NTN1: variants seen among roughly 807,000 people sequenced by gnomAD.
NTN1 encodes netrin 1.
In NTN1, 11 loss-of-function variants were observed where a neutral mutation model predicts 54.2. The ratio of observed to expected loss-of-function variants is 0.20; its 90% CI spans 0.13 to 0.34. NTN1 has a LOEUF of 0.34. Ranked by LOEUF, NTN1 falls within the 10% of genes least tolerant of loss-of-function variation. The probability of loss-of-function intolerance (pLI) is 1.00; values close to 1 mark genes in which losing one functional copy is unlikely to be tolerated. For missense variants in NTN1, 740 were observed against 893.1 expected (o/e 0.83, Z 2.18); for synonymous variants, 371 against 382.0 (o/e 0.97, Z 0.33).
intron 2 of NTN1, among the ~76,000 whole-genome samples, chr17:9,152,157 C>T (rs2092329724): frequency 6.6e-6 from 1 of 152,164 alleles, no homozygotes; most frequent in Non-Finnish European, 1.5e-5. Context: ...CTCTTTGGGT[C>T]CGTGCCACCT....
At chr17:9,125,680 ACTGCAGCTTCAAACTC>A (rs2092245097) in intron 2 of NTN1, among the ~76,000 whole-genome samples, 1 of 152,110 alleles carries the variant, frequency 6.6e-6, no homozygotes, top group Admixed American at 6.5e-5. Flanking sequence ...ATCATAGCTC[ACTGCAGCTTCAAACTC>A]CTGGGCTGAA....
intron 5 of NTN1, among the ~76,000 whole-genome samples, chr17:9,204,317 T>C (rs1217543615): frequency 6.6e-6 from 1 of 151,226 alleles, no homozygotes; most frequent in Non-Finnish European, 1.5e-5. Context: ...TCTTTCTTTC[T>C]GACAGAGTCT....
At chr17:9,193,940 A>AAAAAC (rs1310191883) in intron 5 of NTN1, among the ~76,000 whole-genome samples, 7 of 141,852 alleles carry the variant, frequency 4.9e-5, no homozygotes, top group Non-Finnish European at 9.2e-5. Flanking sequence ...AAAAAAAAAA[A>AAAAAC]AAAACATTAT....
intron 2 of NTN1, among the ~76,000 whole-genome samples, chr17:9,074,962 G>A (rs1298970579): frequency 6.6e-6 from 1 of 152,366 alleles, no homozygotes; most frequent in Non-Finnish European, 1.5e-5. Flanking sequence ...CCAACGGGAT[G>A]TGTGCATGTG....
intron 6 of NTN1, among the ~76,000 whole-genome samples, chr17:9,234,598 G>C (rs572798076): frequency 6.6e-6 from 1 of 152,218 alleles, no homozygotes; most frequent in African/African-American, 2.4e-5. Flanking sequence ...TCCCACATCC[G>C]AACCCTGGTT....
chr17:9,104,863 C>G (rs1429787893), intron 2 of NTN1, among the ~76,000 whole-genome samples: 2 of 152,220 alleles, frequency 1.3e-5, no homozygotes, highest in Non-Finnish European at 2.9e-5. Flanking sequence ...CAGTCCTGAC[C>G]TGACAGCCAG....
chr17:9,110,527 C>A (rs1420395354), intron 2 of NTN1, among the ~76,000 whole-genome samples: 2 of 152,016 alleles, frequency 1.3e-5, no homozygotes, highest in Non-Finnish European at 2.9e-5. Flanking sequence ...GCCTTCTTGG[C>A]CTCCCAAAGT....
chr17:9,025,181 C>T (rs1166375990), intron 2 of NTN1, among the ~76,000 whole-genome samples: 6 of 152,134 alleles, frequency 3.9e-5, no homozygotes, highest in Non-Finnish European at 7.3e-5. Context: ...TGAAGATTTG[C>T]CTTAGCGTTG....
At chr17:9,228,207 G>A (rs1905666118) in intron 6 of NTN1, among the ~76,000 whole-genome samples, 2 of 152,222 alleles carry the variant, frequency 1.3e-5, no homozygotes, top group African/African-American at 4.8e-5. Context: ...CTTTAGAGGG[G>A]GCAAGGGTGG....
At chr17:9,181,680 A>C (rs1002071283) in intron 4 of NTN1, among the ~76,000 whole-genome samples, 10 of 152,180 alleles carry the variant, frequency 6.6e-5, no homozygotes, top group Non-Finnish European at 1.5e-5. Context: ...GCCCATGTCC[A>C]TCCACCAAGC....
chr17:9,163,032 G>A lies in NTN1; in HGVS notation c.1207+31G>A, dbSNP rs781637615. 5.3e-5 allele frequency: 83 copies of A among 1,554,358 alleles called. No homozygotes were observed. In the Middle Eastern group the frequency reaches 1.9e-3, roughly 36 times the overall value. ...CTACACGTGGCGGGGCGGGGGGCTG[G>A]GGAGACCCGGGGAACATCAGTCCTC... is the stretch of plus-strand genomic sequence containing the variant. On this transcript the variant is annotated intron_variant, in intron 3 of 6. Transcript: ENST00000173229.
chr17:9,226,233 G>A (rs1443363000), intron 6 of NTN1, among the ~76,000 whole-genome samples: 4 of 152,090 alleles, frequency 2.6e-5, no homozygotes, highest in Admixed American at 6.5e-5. Flanking sequence ...CGAAGGGAGC[G>A]CTGGAGACGC....
Position 9,180,165 on chromosome 17 carries a change from A to G in NTN1, c.1357+209A>G, listed in dbSNP as rs970292052. 8.5e-5 allele frequency among the ~76,000 whole-genome samples: 13 copies of G among 152,340 alleles called. No homozygotes were observed. The South Asian group carries it at 2.7e-3, about 32-fold the overall frequency. On this transcript the variant is annotated intron_variant, in intron 4 of 6. Transcript: ENST00000173229. ...GTGATTCTCCTGCCTCAGTCTTCCA[A>G]GTAGCTGGAATTACAGGCGCAAGCC...
intron 2 of NTN1, among the ~76,000 whole-genome samples, chr17:9,148,630 C>T (rs886821647): frequency 1.3e-5 from 2 of 152,006 alleles, no homozygotes; most frequent in African/African-American, 2.4e-5. Flanking sequence ...CGAGTCTAGT[C>T]GGAGAGTGAA....
rs1474365383 is a variant in NTN1, at chr17:9,022,449, C to G, written c.76C>G (p.Pro26Ala). 2 of 1,467,984 alleles carry G rather than the reference C, an allele frequency of 1.4e-6. No homozygotes were observed. The highest frequency in any genetic ancestry group is 9.0e-7 in the Non-Finnish European group (1 of 1,117,170). The allele number at this position is 1,467,984 out of a possible 1,614,324, so 90.9% of individuals were successfully genotyped here. A position where few individuals can be genotyped will look rare whatever the true frequency, so the allele number is the denominator to read the frequency against. The change falls in exon 2 of 7, where the codon CCC becomes GCC. Residue 26 changes from proline (P) to alanine (A), a missense_variant. Transcript: ENST00000173229. ...CCTGGTGGGCGCGGTGCGCGGCGGG[C>G]CCGGGCTCAGCATGTTCGCGGGCCA... ...ACLVGAVRGG[P>A]GLSMFAGQAA...
intron 3 of NTN1, among the ~76,000 whole-genome samples, chr17:9,178,688 C>T (rs757579099): frequency 1.3e-4 from 20 of 152,168 alleles, no homozygotes; most frequent in Non-Finnish European, 2.2e-4. Context: ...GAATTGCTGC[C>T]GGACGCCTTA....
At chr17:9,192,996 C>T (rs1904503763) in intron 5 of NTN1, among the ~76,000 whole-genome samples, 1 of 149,372 alleles carries the variant, frequency 6.7e-6, no homozygotes, top group Non-Finnish European at 1.5e-5. Flanking sequence ...AGGAGAATCA[C>T]TTGAACCCTG....
At chr17:9,200,229 A>T (rs1904744381) in intron 5 of NTN1, among the ~76,000 whole-genome samples, 1 of 152,348 alleles carries the variant, frequency 6.6e-6, no homozygotes, top group South Asian at 2.1e-4. Flanking sequence ...ATAGAGAGCC[A>T]ACTGGTTCCC....
At chr17:9,106,452 C>T (rs1449877481) in intron 2 of NTN1, among the ~76,000 whole-genome samples, 2 of 121,926 alleles carry the variant, frequency 1.6e-5, no homozygotes, top group African/African-American at 5.5e-5. Context: ...AATGGCATTT[C>T]CTTCCTTCCT....
Sources: gnomAD v4.1 joint callset for allele counts (sites outside exome capture counted in the v4.1 genomes callset) on GRCh38, gnomAD v4.1.1 for gene constraint, MANE v1.5 for transcripts, NCBI Gene and HGNC (gene_info 2026-07-23, HGNC 2026-07-21) for gene names.